The following VILL variants were observed in gnomAD, a reference collection of about 807,000 sequenced individuals.
VILL encodes villin-like protein.
A neutral mutation model predicts 106.3 loss-of-function variants in VILL; 102 were observed. That is an observed-to-expected ratio of 0.96 (90% CI 0.82 to 1.13). VILL has a LOEUF of 1.13. VILL is among the 50% of genes most tolerant of loss of function. The probability of loss-of-function intolerance (pLI) is 0.00; values close to 1 mark genes in which losing one functional copy is unlikely to be tolerated. For synonymous variants in VILL, 431 were observed against 440.3 expected (o/e 0.98, Z 0.27); for missense variants, 1,076 against 1,116.6 (o/e 0.96, Z 0.52).
At chr3:37,995,672 A>T in intron 4 of VILL, 67 bp from the exon 5 acceptor site, 2 of 1,337,260 alleles carry the variant, frequency 1.5e-6, no homozygotes, top group South Asian at 1.2e-5. Context: ...GCAGTCATTC[A>T]TGCACATGGC....
In VILL at chr3:38,006,194, A is replaced by G. The variant is rs1575341716; in HGVS notation, c.2147A>G (p.His716Arg). The change falls in exon 18 of 20, where the codon CAC becomes CGC. Residue 716 changes from histidine to arginine, a missense_variant. Coordinates refer to ENST00000383759, the MANE Select transcript of VILL (RefSeq NM_015873.4). The part of the protein sequence containing the change: ...DPYKWTSHPS[H>R]KEVVDGSPAA... Reference sequence around the variant, plus strand: ...TTCTTGCTCCAGAGCCACCCGTCCCACAAGGAAGTGGTGGATGGCAGCCCG... The same window carrying G: ...TTCTTGCTCCAGAGCCACCCGTCCCGCAAGGAAGTGGTGGATGGCAGCCCG... 6.2e-7 allele frequency: 1 copy of G among 1,614,110 alleles called. No individual in the cohort carries two copies. Among genetic ancestry groups the G allele is most frequent in the South Asian group, 1.1e-5 (1 of 91,080 alleles).
chr3:37,992,731 C>T (rs1245788076), intron 1 of VILL, among the ~76,000 whole-genome samples: 1 of 152,150 alleles, frequency 6.6e-6, no homozygotes, highest in Admixed American at 6.5e-5. Flanking sequence ...CTCCCCTGCC[C>T]CACAGCCTCC....
At position 37,994,471 on chromosome 3, in the gene VILL, G is replaced by T; in HGVS notation, c.341+5G>T. On this transcript the variant is annotated splice_donor_5th_base_variant and intron_variant, in intron 4 of 19. Transcript: ENST00000383759. ...CTACTTCCGCCCGGGAATCATGTGA[G>T]TGCGGGGGCGACCGGGGCAGGAGGG... 6.2e-7 allele frequency: 1 copy of T among 1,611,228 alleles called. No homozygotes were observed. The highest frequency in any genetic ancestry group is 8.5e-7 in the Non-Finnish European group (1 of 1,179,418).
In VILL at chr3:38,002,585, G is replaced by A; in HGVS notation, c.1659+10G>A. The A allele has an allele frequency of 1.2e-6, 2 of 1,609,498 alleles. No individual in the cohort carries two copies. Among genetic ancestry groups the A allele is most frequent in the Admixed American group, 1.7e-5 (1 of 59,704 alleles). ...CCTCTGGTTTGGGAAGGTACCCACA[G>A]CACTGACCACTTGATTCATGCCCAG... On this transcript the variant is annotated intron_variant, in intron 14 of 19. Coordinates refer to ENST00000383759, the MANE Select transcript of VILL (RefSeq NM_015873.4).
At position 37,998,811 on chromosome 3, in the gene VILL, G is replaced by A; in HGVS notation, c.943-101G>A. ...TGGGTCATGAGCTCGGTTAATTAACGCTTCTTGGAGCTCGGCTGTCCCAGA... is the reference window on the plus strand; with the variant it reads ...TGGGTCATGAGCTCGGTTAATTAACACTTCTTGGAGCTCGGCTGTCCCAGA... On this transcript the variant is annotated intron_variant, in intron 9 of 19. Coordinates refer to ENST00000383759, the MANE Select transcript of VILL (RefSeq NM_015873.4). The surrounding 1 kb of genome is among the most constrained non-coding windows in gnomAD (Gnocchi z 4.1). 6.8e-7 allele frequency: 1 copy of A among 1,470,400 alleles called. No individual in the cohort carries two copies. The highest frequency in any genetic ancestry group is 9.0e-7 in the Non-Finnish European group (1 of 1,108,306). 91.1% of individuals were successfully genotyped at this position (1,470,400 alleles called of 1,614,324 possible).
chr3:38,001,094 T>A, intron 11 of VILL: 2 of 501,464 alleles, frequency 4.0e-6, no homozygotes, highest in Non-Finnish European at 7.7e-6. Context: ...CTCCAAGGCT[T>A]CCCTTTCCGC....
chr3:37,998,391 G>A lies in VILL; in HGVS notation c.942+27G>A. On this transcript the variant is annotated intron_variant, in intron 9 of 19. Transcript: ENST00000383759. This position sits in a 1 kb window ranked among gnomAD's most constrained non-coding sequence, Gnocchi z 4.1. ...TGAGCCCTGGGGCTCTGTCTGAGAG[G>A]AACAGAGCACTGCCCTGGGGTCTGA... is the stretch of plus-strand genomic sequence containing the variant. The A allele has an allele frequency of 1.2e-6, 2 of 1,605,832 alleles. No homozygotes were observed. The highest frequency in any genetic ancestry group is 1.7e-6 in the Non-Finnish European group (2 of 1,172,738).
At chr3:37,988,754 C>T (rs192656883), upstream of VILL, among the ~76,000 whole-genome samples, 3 of 152,262 alleles carry the variant, frequency 2.0e-5, no homozygotes, top group Admixed American at 1.3e-4. Context: ...CCCAGCTACT[C>T]AGGGGACTGA....
chr3:37,994,069 G>GT lies in VILL; in HGVS notation c.135+99dup. On this transcript the variant is annotated intron_variant, in intron 3 of 19. Coordinates refer to ENST00000383759, the MANE Select transcript of VILL (RefSeq NM_015873.4). Reference sequence around the variant, plus strand: ...TAAACTCTGCCCTGGGAAGCGGCAAGTTGAGAGCCGGAGAATCACATCCCA... The same window carrying GT: ...TAAACTCTGCCCTGGGAAGCGGCAAGTTTGAGAGCCGGAGAATCACATCCCA... The GT allele has an allele frequency of 3.3e-6, 5 of 1,524,732 alleles. 1 individual carries two copies. The Middle Eastern group carries it at 6.8e-4, about 207-fold the overall frequency. 94.5% of individuals were successfully genotyped at this position (1,524,732 alleles called of 1,614,324 possible). A position where few individuals can be genotyped will look rare whatever the true frequency, so the allele number is the denominator to read the frequency against.
intron 19 of VILL, 64 bp downstream of exon 19, chr3:38,006,764 A>G: frequency 6.4e-7 from 1 of 1,551,288 alleles, no homozygotes; most frequent in African/African-American, 1.4e-5. Context: ...AGCCCAAGGC[A>G]GGATCCACTG....
At position 38,006,638 on chromosome 3, in the gene VILL, G is replaced by GAAC; in HGVS notation, c.2399_2401dup (p.Gln800dup). ...CACGATCAACGGGGGCCTGCGCCGG[G>GAAC]AACAACTGATGCACCAGGCTGTTGA... On this transcript the variant is annotated inframe_insertion, in exon 19 of 20. Transcript: ENST00000383759. The GAAC allele has an allele frequency of 6.2e-7, 1 of 1,613,818 alleles. No individual in the cohort carries two copies. Among genetic ancestry groups the GAAC allele is most frequent in the Non-Finnish European group, 8.5e-7 (1 of 1,180,008 alleles).
In VILL at chr3:38,005,717, A is replaced by C. The variant is rs147785064; in HGVS notation, c.1951-75A>C. The C allele has an allele frequency of 2.9e-3, 4,352 of 1,486,534 alleles. 114 individuals are homozygous for C. The African/African-American group carries it at 0.051, about 17-fold the overall frequency. 92.1% of individuals were successfully genotyped at this position (1,486,534 alleles called of 1,614,324 possible). ...GGGGTTCTGTCTGGGACAACTGGAC[A>C]GGGAGTGGACAGGAAGGGGTCAGCT... On this transcript the variant is annotated intron_variant, in intron 16 of 19. Transcript: ENST00000383759.
chr3:38,002,371 A>G (rs1246948431), intron 13 of VILL, 25 bp from the exon 14 acceptor site: 4 of 1,571,906 alleles, frequency 2.5e-6, no homozygotes, highest in Middle Eastern at 1.7e-4. Flanking sequence ...GCCCTTGCCC[A>G]GCCTGAGGCC....
intron 3 of VILL, 78 bp from the exon 4 acceptor site, chr3:37,994,183 C>CCAT: frequency 6.6e-7 from 1 of 1,517,208 alleles, no homozygotes; most frequent in Non-Finnish European, 8.9e-7. Context: ...CTCCCCATGG[C>CCAT]CCTTGGTACA....
chr3:37,995,711 A>G (rs373217426), intron 4 of VILL, 28 bp from the exon 5 acceptor site: 6 of 1,576,690 alleles, frequency 3.8e-6, no homozygotes, highest in Non-Finnish European at 5.2e-6. Context: ...CACAGAATGT[A>G]TATACCCTCC....
Position 38,004,294 on chromosome 3 carries a change from T to C in VILL, c.1845T>C (p.Phe615=), listed in dbSNP as rs369345231. The C allele has an allele frequency of 3.1e-6, 5 of 1,613,690 alleles. No homozygotes were observed. The African/African-American group carries it at 5.3e-5, about 17-fold the overall frequency. ...TCCCCAGCTTCCAGCCACGACTGTT[T>C]GAGTGCTCCAGCCACATGGGCTGCC... is the stretch of plus-strand genomic sequence containing the variant. ...EEVPSFQPRL[F]ECSSHMGCLV... The change falls in exon 16 of 20, where the codon TTT becomes TTC. Residue 615 remains phenylalanine, a synonymous_variant. Transcript: ENST00000383759.
intron 15 of VILL, 143 bp from the exon 16 acceptor site, chr3:38,004,112 G>A (rs1252105876): frequency 1.2e-5 from 14 of 1,137,120 alleles, no homozygotes; most frequent in East Asian, 1.0e-4. Context: ...CGGAGTGCTC[G>A]GGGAGAAACC....
chr3:38,007,070 G>A lies in VILL; in HGVS notation c.*15G>A, dbSNP rs750217696. The A allele has an allele frequency of 2.4e-5, 39 of 1,606,756 alleles. No individual in the cohort carries two copies. The highest frequency in any genetic ancestry group is 1.7e-4 in the Middle Eastern group (1 of 5,970). On this transcript the variant is annotated 3_prime_UTR_variant, in exon 20 of 20. Transcript: ENST00000383759. ...GCTTCTTCTGAACCCAAGCCCTCTC[G>A]ACTGCCCCTATCCCCTGGACCCCAA...
rs770330543 is a variant in VILL at position 38,002,498 on chromosome 3, G to GCC, written c.1584_1585dup (p.Arg529ProfsTer146). The GCC allele has an allele frequency of 6.2e-7, 1 of 1,614,208 alleles. No individual in the cohort carries two copies. The highest frequency in any genetic ancestry group is 8.5e-7 in the Non-Finnish European group (1 of 1,180,014). On this transcript the variant is annotated frameshift_variant, in exon 14 of 20. Transcript: ENST00000383759. LOFTEE classifies it high-confidence loss of function. ...CAACACCAGGACCATGGAGGTGCCA[G>GCC]CCCGTGCCTCATCCCTCAACTCCAG...
Sources: gnomAD v4.1 joint callset for allele counts (sites outside exome capture counted in the v4.1 genomes callset) on GRCh38, gnomAD v4.1.1 for gene constraint, Gnocchi (gnomAD v3.1) non-coding constraint, MANE v1.5 for transcripts, NCBI Gene and HGNC (gene_info 2026-07-23, HGNC 2026-07-21) for gene names.